Variants in RUNX3 observed in about 807,000 individuals in gnomAD.
RUNX3 encodes RUNX family transcription factor 3.
A neutral mutation model predicts 27.7 loss-of-function variants in RUNX3; 10 were observed. The ratio of observed to expected loss-of-function variants is 0.36; its 90% CI spans 0.22 to 0.61. The LOEUF is 0.61. Among genes scored for constraint, RUNX3 ranks in the 20% least tolerant of loss-of-function variants. The pLI, the probability that RUNX3 is intolerant of heterozygous loss-of-function variation, is 0.72. For synonymous variants in RUNX3, 270 were observed against 269.2 expected (o/e 1.00, Z -0.03); for missense variants, 469 against 629.5 (o/e 0.75, Z 2.73).
At position 24,908,287 on chromosome 1, in the gene RUNX3, A is replaced by T. The variant is rs2124255565; in HGVS notation, c.545-870T>A. The stretch of plus-strand genomic sequence containing the variant: ...ACGCGGTGATCCAAACCTCTACGAC[A>T]TGTGGTGATCCAAACCTCTACGACA... On this transcript the variant is annotated intron_variant, in intron 3 of 4. Transcript: ENST00000308873. 2.0e-5 allele frequency among the ~76,000 whole-genome samples: 3 copies of T among 151,554 alleles called. 1 individual carries two copies. The Middle Eastern group carries it at 0.01, about 519-fold the overall frequency.
chr1:24,912,219 G>A (rs1640809848), intron 3 of RUNX3, among the ~76,000 whole-genome samples: 1 of 152,214 alleles, frequency 6.6e-6, no homozygotes. Flanking sequence ...TTTCCCCTCT[G>A]CACAGTCTGC....
chr1:24,915,677 GA>G (rs1239489261), intron 3 of RUNX3, among the ~76,000 whole-genome samples: 1 of 151,970 alleles, frequency 6.6e-6, no homozygotes, highest in Non-Finnish European at 1.5e-5. Context: ...GTTCCAGATA[GA>G]AAAAAGAGCA....
At chr1:24,921,366 A>G (rs1485907681) in intron 2 of RUNX3, among the ~76,000 whole-genome samples, 1 of 152,136 alleles carries the variant, frequency 6.6e-6, no homozygotes, top group Non-Finnish European at 1.5e-5. Flanking sequence ...CTGAGACACC[A>G]GGGGGAATTT....
upstream of RUNX3, among the ~76,000 whole-genome samples, chr1:24,934,697 G>GGCTAGAGAGGGCC (rs1641308734): frequency 6.6e-6 from 1 of 152,192 alleles, no homozygotes; most frequent in African/African-American, 2.4e-5. Flanking sequence ...GAGAGGGCCA[G>GGCTAGAGAGGGCC]ACCCGGGTTA....
At chr1:24,938,797 C>G (rs1641407772) in intron 2 of RUNX3, among the ~76,000 whole-genome samples, 1 of 152,124 alleles carries the variant, frequency 6.6e-6, no homozygotes, top group South Asian at 2.1e-4. Context: ...CCGGAGGACA[C>G]AGCCAGAAGA....
At chr1:24,918,720 G>A (rs1015082754) in intron 3 of RUNX3, among the ~76,000 whole-genome samples, 1 of 152,266 alleles carries the variant, frequency 6.6e-6, no homozygotes, top group South Asian at 2.1e-4. Flanking sequence ...TGATGGACCA[G>A]AACTCCCTGC....
At position 24,910,308 on chromosome 1, in the gene RUNX3, AAT is replaced by A. The variant is rs1411988012; in HGVS notation, c.545-2893_545-2892del. 1.9e-3 allele frequency among the ~76,000 whole-genome samples: 268 copies of A among 140,038 alleles called. 1 individual carries two copies. Among genetic ancestry groups the A allele is most frequent in the African/African-American group, 6.7e-3 (253 of 37,656 alleles). The allele number at this position is 140,038 out of a possible 152,430, so 91.9% of individuals were successfully genotyped here. On this transcript the variant is annotated intron_variant, in intron 3 of 4. Transcript: ENST00000308873. ...CATCTCAAAAAAAAAAAAAAAAAAA[AAT>A]GTGGGAGGGGGTAAGGGGGAGGAGA...
intron 2 of RUNX3, among the ~76,000 whole-genome samples, chr1:24,924,700 C>G (rs1349178966): frequency 6.6e-6 from 1 of 152,134 alleles, no homozygotes; most frequent in East Asian, 1.9e-4. Flanking sequence ...AATTACTTTC[C>G]CTTTTTTTCT....
chr1:24,907,490 C>A, intron 3 of RUNX3, 73 bp from the exon 4 acceptor site: 1 of 1,460,110 alleles, frequency 6.8e-7, no homozygotes, highest in East Asian at 2.4e-5. Flanking sequence ...CCTCACTCTG[C>A]TGGGAAGTTC....
chr1:24,929,760 T>C lies in RUNX3; in HGVS notation c.109A>G (p.Ser37Gly), dbSNP rs1375189915. 2 of 1,464,254 alleles carry C rather than the reference T, an allele frequency of 1.4e-6. No homozygotes were observed. Among genetic ancestry groups the C allele is most frequent in the East Asian group, 5.7e-5 (2 of 34,860 alleles). The allele number at this position is 1,464,254 out of a possible 1,614,324, so 90.7% of individuals were successfully genotyped here. ...GKMGENSGAL[S>G]AQAAVGPGGR... ...CCGGGCCCCACGGCCGCCTGCGCGC[T>C]CAGCGCGCCGCTGTTCTCGCCCATC... The change falls in exon 1 of 5, where the codon AGC becomes GGC. Residue 37 changes from serine (S) to glycine (G), a missense_variant. By Grantham distance (56) the Ser-to-Gly change is moderately conservative (BLOSUM62 0). Transcript: ENST00000308873.
chr1:24,930,367 C>T (rs1207019416), upstream of RUNX3: 2 of 387,372 alleles, frequency 5.2e-6, no homozygotes, highest in Non-Finnish European at 7.1e-6. The surrounding 1 kb of genome is among the most constrained non-coding windows in gnomAD (Gnocchi z 4.1). Flanking sequence ...ATCGGCGGAG[C>T]CCCCATCGCG....
chr1:24,959,354 G>T (rs1288204627), intron 2 of RUNX3, among the ~76,000 whole-genome samples: 5 of 152,204 alleles, frequency 3.3e-5, no homozygotes, highest in Non-Finnish European at 7.4e-5. Context: ...AGCCTGGGGG[G>T]CACTTTGGAC....
At position 24,943,583 on chromosome 1, in the gene RUNX3, G is replaced by C. The variant is rs149575893; in HGVS notation, c.59-13731C>G. On this transcript the variant is annotated intron_variant, in intron 2 of 6. Coordinates refer to the RUNX3 transcript ENST00000338888. This position sits in a 1 kb window ranked among gnomAD's most constrained non-coding sequence, Gnocchi z 4.6. ...TTTTGTCTTAGGAAATAAGAGCCCT[G>C]GAACAGTTGGCCAGTGCGGAGAGGA... Among the ~76,000 whole-genome samples, 111 of 152,294 alleles carry C rather than the reference G, an allele frequency of 7.3e-4. No individual in the cohort carries two copies. The highest frequency in any genetic ancestry group is 2.7e-3 in the African/African-American group (111 of 41,556).
At chr1:24,914,127 A>C (rs1212984326) in intron 3 of RUNX3, among the ~76,000 whole-genome samples, 13 of 152,232 alleles carry the variant, frequency 8.5e-5, no homozygotes, top group Non-Finnish European at 1.5e-5. Context: ...CAAGACCTCC[A>C]TGAGAGAAGA....
At chr1:24,936,030 G>A (rs374540334) in intron 2 of RUNX3, among the ~76,000 whole-genome samples, 24 of 152,194 alleles carry the variant, frequency 1.6e-4, no homozygotes, top group African/African-American at 4.6e-4. Flanking sequence ...CAGCAGGTGC[G>A]TGCAGAGCTA....
At position 24,919,068 on chromosome 1, in the gene RUNX3, G is replaced by A. The variant is rs139501607; in HGVS notation, c.544+172C>T. The stretch of plus-strand genomic sequence containing the variant: ...CCTCGCTGGCCTCCCACGGTCTCAG[G>A]CTAAGCCCAGAGGGTTTAGGGGTTT... On this transcript the variant is annotated intron_variant, in intron 3 of 4. Coordinates refer to ENST00000308873, the MANE Select transcript of RUNX3 (RefSeq NM_004350.3). Among the ~76,000 whole-genome samples, 19 of 152,352 alleles carry A rather than the reference G, an allele frequency of 1.2e-4. No homozygotes were observed. In the East Asian group the frequency reaches 3.1e-3, roughly 25 times the overall value.
intron 2 of RUNX3, among the ~76,000 whole-genome samples, chr1:24,956,846 C>T (rs1456790215): frequency 6.6e-6 from 1 of 152,228 alleles, no homozygotes; most frequent in East Asian, 1.9e-4. Context: ...TTTCCCTTTG[C>T]GTTCTCCAAG....
chr1:24,929,680 T>C lies in RUNX3; in HGVS notation c.189A>G (p.Ala63=), dbSNP rs748700272. The change falls in exon 1 of 5, where the codon GCA becomes GCG. Residue 63 remains alanine (A), a synonymous_variant. Transcript: ENST00000308873. The part of the protein sequence containing the change: ...RSMVDVLADH[A]GELVRTDSPN... The stretch of plus-strand genomic sequence containing the variant: ...GGCTGTCGGTGCGCACGAGCTCGCC[T>C]GCGTGGTCCGCCAGCACGTCCACCA... The C allele has an allele frequency of 3.1e-6, 5 of 1,587,522 alleles. No homozygotes were observed. The highest frequency in any genetic ancestry group is 1.7e-5 in the Admixed American group (1 of 57,630).
chr1:24,905,873 G>A (rs1288757326), intron 4 of RUNX3, among the ~76,000 whole-genome samples: 2 of 152,258 alleles, frequency 1.3e-5, no homozygotes, highest in African/African-American at 4.8e-5. Flanking sequence ...TGAGCACAGC[G>A]TGCAGGGCTC....
Sources: allele counts gnomAD v4.1 joint callset (sites outside exome capture counted in the v4.1 genomes callset), GRCh38; gene constraint gnomAD v4.1.1; non-coding constraint Gnocchi (gnomAD v3.1); transcripts MANE v1.5; gene names NCBI Gene and HGNC (gene_info 2026-07-23, HGNC 2026-07-21).